The following PSMA1 variants were observed in gnomAD, a reference collection of about 807,000 sequenced individuals.
The protein encoded by PSMA1 is proteasome subunit alpha type-1.
In PSMA1, 3 loss-of-function variants were observed where a neutral mutation model predicts 38.4. That is an observed-to-expected ratio of 0.08 (90% CI 0.04 to 0.20). The LOEUF is 0.20. Ranked by LOEUF, PSMA1 falls within the 10% of genes least tolerant of loss-of-function variation. The probability of loss-of-function intolerance (pLI) is 1.00; values close to 1 mark genes in which losing one functional copy is unlikely to be tolerated. For missense variants in PSMA1, 227 were observed against 325.3 expected (o/e 0.70, Z 2.32); for synonymous variants, 101 against 107.1 (o/e 0.94, Z 0.35).
At chr11:14,517,840 T>C in intron 3 of PSMA1, 40 bp downstream of exon 3, 1 of 1,537,230 alleles carries the variant, frequency 6.5e-7, no homozygotes, top group Non-Finnish European at 8.8e-7. Flanking sequence ...AAATTTACAT[T>C]GTTTTCTACA....
chr11:14,542,941 C>T (rs1272400953), intron 2 of PSMA1, among the ~76,000 whole-genome samples: 2 of 152,042 alleles, frequency 1.3e-5, no homozygotes, highest in African/African-American at 4.8e-5. Flanking sequence ...CTGTAACCTC[C>T]GCCTCCCAGG....
At chr11:14,634,726 C>T (rs1029771150) in intron 1 of PSMA1, among the ~76,000 whole-genome samples, 4 of 152,116 alleles carry the variant, frequency 2.6e-5, no homozygotes, top group African/African-American at 9.7e-5. Context: ...AAATTTGAAA[C>T]AGAATTTTGA....
intron 2 of PSMA1, among the ~76,000 whole-genome samples, chr11:14,542,757 A>G (rs531593429): frequency 2.6e-5 from 4 of 152,326 alleles, no homozygotes; most frequent in South Asian, 2.1e-4. Flanking sequence ...AGAAGTAAGG[A>G]TATATAGTTC....
At chr11:14,588,904 G>A (rs1440641824) in intron 2 of PSMA1, among the ~76,000 whole-genome samples, 2 of 152,152 alleles carry the variant, frequency 1.3e-5, no homozygotes, top group East Asian at 3.9e-4. Context: ...CTTTGCAGCT[G>A]CTGTTCTATC....
At chr11:14,539,052 C>T (rs973364358) in intron 2 of PSMA1, among the ~76,000 whole-genome samples, 7 of 152,214 alleles carry the variant, frequency 4.6e-5, no homozygotes, top group Non-Finnish European at 1.0e-4. Context: ...TTACTAGTGG[C>T]AGCCATTGTT....
intron 4 of PSMA1, among the ~76,000 whole-genome samples, chr11:14,514,944 G>A (rs577599080): frequency 3.3e-4 from 50 of 152,292 alleles, no homozygotes; most frequent in African/African-American, 1.2e-3. Flanking sequence ...GGATCTTTAC[G>A]TGTTTCTGCC....
intron 2 of PSMA1, among the ~76,000 whole-genome samples, chr11:14,570,407 AC>A (rs1211633878): frequency 6.6e-6 from 1 of 152,202 alleles, no homozygotes; most frequent in Non-Finnish European, 1.5e-5. Context: ...ATCAGTAATA[AC>A]AACCTTCTCC....
Position 14,539,312 on chromosome 11 carries a change from T to C in PSMA1, c.22-20271A>G, listed in dbSNP as rs192062388. Among the ~76,000 whole-genome samples the C allele has an allele frequency of 3.6e-3, 547 of 152,304 alleles. 6 individuals are homozygous for C. Among genetic ancestry groups the C allele is most frequent in the African/African-American group, 0.013 (530 of 41,566 alleles). ...GTCTTAGTTCTGCAGTCACTGTTAT[T>C]TTTAATTATTATTATTATGCCTGTT... On this transcript the variant is annotated intron_variant, in intron 2 of 10. Transcript: ENST00000418988.
At chr11:14,544,166 A>C (rs1851801020) in intron 2 of PSMA1, among the ~76,000 whole-genome samples, 1 of 152,114 alleles carries the variant, frequency 6.6e-6, no homozygotes, top group Non-Finnish European at 1.5e-5. Context: ...AGTAGCTGGG[A>C]CCACAGGCGC....
At chr11:14,578,074 G>C (rs1403176945) in intron 2 of PSMA1, among the ~76,000 whole-genome samples, 1 of 151,998 alleles carries the variant, frequency 6.6e-6, no homozygotes, top group Non-Finnish European at 1.5e-5. Flanking sequence ...GGGCCTGTTG[G>C]GGGGTTGGGG....
intron 2 of PSMA1, among the ~76,000 whole-genome samples, chr11:14,547,280 A>G (rs992601434): frequency 2.0e-5 from 3 of 152,200 alleles, no homozygotes; most frequent in Admixed American, 6.5e-5. Flanking sequence ...AGAATTGGTC[A>G]TCACTTCAGT....
intron 1 of PSMA1, among the ~76,000 whole-genome samples, chr11:14,637,842 T>C (rs202218346): frequency 1.3e-5 from 2 of 152,168 alleles, no homozygotes; most frequent in East Asian, 3.8e-4. Flanking sequence ...GCAGACTTAG[T>C]TGAATAAAAT....
At chr11:14,520,405 C>G (rs1404762156), upstream of PSMA1, 1 of 1,612,564 alleles carries the variant, frequency 6.2e-7, no homozygotes, top group Non-Finnish European at 8.5e-7. Flanking sequence ...GGGAGTTTGA[C>G]GGCGGCGGCG....
At chr11:14,596,691 C>A (rs569802930) in intron 2 of PSMA1, among the ~76,000 whole-genome samples, 1 of 152,308 alleles carries the variant, frequency 6.6e-6, no homozygotes, top group Non-Finnish European at 1.5e-5. Context: ...CATCTGCAAA[C>A]AGGTACAATT....
In PSMA1 at chr11:14,520,381, A is replaced by G. The variant is rs577295520; in HGVS notation, c.-82T>C. 5.0e-6 allele frequency: 8 copies of G among 1,613,992 alleles called. No individual in the cohort carries two copies. The African/African-American group carries it at 8.0e-5, about 16-fold the overall frequency. ...TGCCGAAAGTATCGCTCAGCGATCT[A>G]CAGAGAAGTCTGCGGGAGTTTGACG... is the stretch of plus-strand genomic sequence containing the variant. On this transcript the variant is annotated 5_prime_UTR_variant, in exon 1 of 10. Transcript: ENST00000396394.
intron 7 of PSMA1, among the ~76,000 whole-genome samples, chr11:14,512,203 C>T (rs1224139825): frequency 1.3e-5 from 2 of 152,032 alleles, no homozygotes; most frequent in Non-Finnish European, 2.9e-5. Context: ...GGAGAAACCC[C>T]GTCTCTACTA....
intron 2 of PSMA1, among the ~76,000 whole-genome samples, chr11:14,579,314 T>C (rs777232488): frequency 6.6e-6 from 1 of 152,154 alleles, no homozygotes; most frequent in Non-Finnish European, 1.5e-5. Context: ...CTCCAGGCAT[T>C]CTTTGGCTTC....
chr11:14,548,762 G>A (rs560087123), intron 2 of PSMA1, among the ~76,000 whole-genome samples: 4 of 152,104 alleles, frequency 2.6e-5, no homozygotes, highest in East Asian at 3.9e-4. Context: ...AAATTAATTC[G>A]CATCTTAAGC....
At chr11:14,635,641 TAAAC>T (rs1853105202) in intron 1 of PSMA1, among the ~76,000 whole-genome samples, 1 of 152,218 alleles carries the variant, frequency 6.6e-6, no homozygotes, top group African/African-American at 2.4e-5. Flanking sequence ...ATAGTGATTT[TAAAC>T]AAAGAATGTT....
Sources: allele counts gnomAD v4.1 joint callset (sites outside exome capture counted in the v4.1 genomes callset), GRCh38; gene constraint gnomAD v4.1.1; transcripts MANE v1.5; gene names NCBI Gene and HGNC (gene_info 2026-07-23, HGNC 2026-07-21).